Variants in C9orf50 observed in about 807,000 individuals in gnomAD.
The protein encoded by C9orf50 is chromosome 9 open reading frame 50, also known as uncharacterized protein C9orf50.
A neutral mutation model predicts 42.5 loss-of-function variants in C9orf50; 33 were observed. The observed-to-expected ratio is 0.78, with a 90% CI of 0.59 to 1.04. C9orf50 has a LOEUF of 1.04. C9orf50 is among the 50% of genes least tolerant of loss of function. The pLI is 0.00. For missense variants in C9orf50, 547 were observed against 594.3 expected (o/e 0.92, Z 0.83); for synonymous variants, 257 against 273.4 (o/e 0.94, Z 0.59).
chr9:129,616,295 A>G (rs1308175735), intron 3 of C9orf50, among the ~76,000 whole-genome samples: 1 of 152,132 alleles, frequency 6.6e-6, no homozygotes, highest in East Asian at 1.9e-4. Flanking sequence ...GGCTCATTGC[A>G]AGCTCCGCCT....
At position 129,620,047 on chromosome 9, in the gene C9orf50, C is replaced by T. The variant is rs1188722844; in HGVS notation, c.508+20G>A. On this transcript the variant is annotated intron_variant, in intron 1 of 6. Coordinates refer to ENST00000372478, the Ensembl canonical transcript of C9orf50. The surrounding 1 kb of genome is among the most constrained non-coding windows in gnomAD (Gnocchi z 5.8). ...CCGGAAATGACTCGGGCCCGCCCCC[C>T]GGGCCCCGCGGGGCCTCACTCAGTG... 1 of 1,452,534 alleles carries T rather than the reference C, an allele frequency of 6.9e-7. No individual in the cohort carries two copies. The highest frequency in any genetic ancestry group is 9.1e-7 in the Non-Finnish European group (1 of 1,100,342). 90.0% of individuals were successfully genotyped at this position (1,452,534 alleles called of 1,614,324 possible). A position where few individuals can be genotyped will look rare whatever the true frequency, so the allele number is the denominator to read the frequency against.
chr9:129,619,404 G>C, intron 3 of C9orf50, 116 bp downstream of exon 3: 1 of 762,096 alleles, frequency 1.3e-6, no homozygotes, highest in Admixed American at 2.3e-5. Context: ...TGTAAGGATG[G>C]ATGAATGGGT....
chr9:129,616,504 C>G (rs1215469419), intron 3 of C9orf50, among the ~76,000 whole-genome samples: 1 of 152,190 alleles, frequency 6.6e-6, no homozygotes, highest in African/African-American at 2.4e-5. Context: ...GCATGAGCCA[C>G]CGCCCGCCCG....
At chr9:129,619,493 C>CTCCA in intron 3 of C9orf50, 27 bp downstream of exon 3, 1 of 1,546,326 alleles carries the variant, frequency 6.5e-7, no homozygotes, top group Non-Finnish European at 8.9e-7. Flanking sequence ...CCTCCACTAC[C>CTCCA]CTACCCTTAT....
chr9:129,612,465 A>G lies in C9orf50; in HGVS notation c.1189-11T>C. Reference sequence around the variant, plus strand: ...GGGCAGGAGGGACTCCTAGAGTGAGACAGAGGACCAGCTGGCTGCTACCAG... The same window carrying G: ...GGGCAGGAGGGACTCCTAGAGTGAGGCAGAGGACCAGCTGGCTGCTACCAG... On this transcript the variant is annotated splice_polypyrimidine_tract_variant and intron_variant, in intron 6 of 6. Coordinates refer to ENST00000372478, the Ensembl canonical transcript of C9orf50. 6.2e-7 allele frequency: 1 copy of G among 1,606,948 alleles called. No individual in the cohort carries two copies. Among genetic ancestry groups the G allele is most frequent in the African/African-American group, 1.4e-5 (1 of 73,630 alleles).
chr9:129,621,032 A>C (rs1054272328), upstream of C9orf50, among the ~76,000 whole-genome samples: 1 of 152,194 alleles, frequency 6.6e-6, no homozygotes, highest in Admixed American at 6.5e-5. Context: ...TGGTCTGCAG[A>C]ATGGGGATAA....
rs762339179 is a variant in C9orf50, at chr9:129,613,207, A to G, written c.1088T>C (p.Met363Thr). Residue 363 changes from methionine to threonine, a missense_variant, in exon 6 of 7, where the codon ATG (methionine) becomes ACG (threonine). By Grantham distance (81) the Met-to-Thr change is moderately conservative. Transcript: ENST00000372478. The surrounding 1 kb of genome is among the most constrained non-coding windows in gnomAD (Gnocchi z 6.2). ...TGAACAGAAGGGCAGGCTGCTGTTC[A>G]TGGAGGTGTCCTCAGAAAGGTAGCC... The G allele has an allele frequency of 6.2e-7, 1 of 1,613,406 alleles. No individual in the cohort carries two copies. Among genetic ancestry groups the G allele is most frequent in the East Asian group, 2.2e-5 (1 of 44,866 alleles).
chr9:129,615,489 C>G (rs1283489619), exon 4 of C9orf50: 1 of 1,592,810 alleles, frequency 6.3e-7, no homozygotes, highest in African/African-American at 1.3e-5. Context: ...CTTACCTGAG[C>G]GTCTGCGCTC....
At position 129,618,823 on chromosome 9, in the gene C9orf50, G is replaced by A. The variant is rs184454728; in HGVS notation, c.716+697C>T. Among the ~76,000 whole-genome samples the A allele has an allele frequency of 3.9e-3, 589 of 151,364 alleles. 16 individuals carry two copies. In the East Asian group the frequency reaches 0.065, roughly 17 times the overall value. On this transcript the variant is annotated intron_variant, in intron 3 of 6. Coordinates refer to ENST00000372478, the Ensembl canonical transcript of C9orf50. ...TTCTCTCGCCTCAGCCTCCCGAGTA[G>A]CTGGGACTACAGGCGCCCGCCACCA...
chr9:129,615,507 C>T (rs140534012), exon 4 of C9orf50: 566 of 1,605,202 alleles, frequency 3.5e-4, no homozygotes, highest in Middle Eastern at 5.0e-4. Context: ...CTCCCAGTAG[C>T]GGAGCGTTGT....
At chr9:129,616,341 G>A (rs984621365) in intron 3 of C9orf50, among the ~76,000 whole-genome samples, 8 of 152,080 alleles carry the variant, frequency 5.3e-5, no homozygotes, top group East Asian at 1.9e-4. Flanking sequence ...TCAGCCTCCC[G>A]AGTAGCTGGG....
In C9orf50 at chr9:129,620,534, G is replaced by T. The variant is rs1034984810; in HGVS notation, c.41C>A (p.Ala14Glu). 3.5e-6 allele frequency: 5 copies of T among 1,442,610 alleles called. No homozygotes were observed. The African/African-American group carries it at 7.3e-5, about 21-fold the overall frequency. The allele number at this position is 1,442,610 out of a possible 1,614,324, so 89.4% of individuals were successfully genotyped here. A position where few individuals can be genotyped will look rare whatever the true frequency, so the allele number is the denominator to read the frequency against. The change falls in exon 1 of 7, where the codon GCG becomes GAG. Residue 14 changes from alanine to glutamate, a missense_variant. Physicochemically the swap from Ala to Glu is moderately radical, Grantham distance 107. Coordinates refer to ENST00000372478, the Ensembl canonical transcript of C9orf50. This position sits in a 1 kb window ranked among gnomAD's most constrained non-coding sequence, Gnocchi z 5.8. ...TCCGTCGCCAGGGAGCCCCTTGGGC[G>T]CCAGGTCCTGGGCCCCTGGGCGAAG...
At chr9:129,616,546 A>G (rs954118920) in intron 3 of C9orf50, among the ~76,000 whole-genome samples, 1 of 152,032 alleles carries the variant, frequency 6.6e-6, no homozygotes, top group Non-Finnish European at 1.5e-5. Context: ...GTAACTGTCT[A>G]TCTCAATCAT....
At chr9:129,615,605 C>T (rs1475169490) in exon 4 of C9orf50, 3 of 1,602,996 alleles carry the variant, frequency 1.9e-6, no homozygotes, top group Non-Finnish European at 1.7e-6. Flanking sequence ...GGTTGTGGGT[C>T]AGCGCAGCCT....
chr9:129,614,684 C>T lies in C9orf50; in HGVS notation c.880+800G>A, dbSNP rs1241629068. 3.9e-5 allele frequency among the ~76,000 whole-genome samples: 6 copies of T among 151,904 alleles called. No individual in the cohort carries two copies. Among genetic ancestry groups the T allele is most frequent in the African/African-American group, 7.3e-5 (3 of 41,340 alleles). On this transcript the variant is annotated intron_variant, in intron 4 of 6. Transcript: ENST00000372478. The surrounding 1 kb of genome is among the most constrained non-coding windows in gnomAD (Gnocchi z 4.4). Reference sequence around the variant, plus strand: ...TTTGGGAGGCAGAGGCAGGTGGATCCCTGAGGTCAGGAGTTCGAGACCACC... The same window carrying T: ...TTTGGGAGGCAGAGGCAGGTGGATCTCTGAGGTCAGGAGTTCGAGACCACC...
At chr9:129,616,403 AC>A (rs1456576269) in intron 3 of C9orf50, among the ~76,000 whole-genome samples, 1 of 152,096 alleles carries the variant, frequency 6.6e-6, no homozygotes, top group Admixed American at 6.5e-5. Context: ...TTTAGTAGAA[AC>A]GGGGTTTCAC....
At position 129,613,575 on chromosome 9, in the gene C9orf50, G is replaced by A. The variant is rs1380466898; in HGVS notation, c.903C>T (p.Asn301=). 3 of 1,614,054 alleles carry A rather than the reference G, an allele frequency of 1.9e-6. No homozygotes were observed. Among genetic ancestry groups the A allele is most frequent in the African/African-American group, 1.3e-5 (1 of 74,942 alleles). ...ACGCCACTGGCAGGGCGGCCTTCTG[G>A]TTCACAATGACGCTCTGTTGGACTG... The change falls in exon 5 of 7, where the codon AAC becomes AAT. Residue 301 remains asparagine, a synonymous_variant. Coordinates refer to ENST00000372478, the Ensembl canonical transcript of C9orf50. The surrounding 1 kb of genome is among the most constrained non-coding windows in gnomAD (Gnocchi z 6.2).
chr9:129,615,680 C>T (rs757416839), intron 3 of C9orf50, 33 bp from the exon 4 acceptor site: 1 of 1,495,824 alleles, frequency 6.7e-7, no homozygotes, highest in South Asian at 1.3e-5. Flanking sequence ...GTGCTCGAAG[C>T]CCCCCACCGT....
In C9orf50 at chr9:129,613,148, T is replaced by C; in HGVS notation, c.1147A>G (p.Ser383Gly). The change falls in exon 6 of 7, where the codon AGC becomes GGC. Residue 383 changes from serine to glycine, a missense_variant. Physicochemically the swap from Ser to Gly is moderately conservative, Grantham distance 56. This residue lies in a region of C9orf50 where 334 missense variants were observed against 323.7 expected (regional missense o/e 1.03). Transcript: ENST00000372478. This position sits in a 1 kb window ranked among gnomAD's most constrained non-coding sequence, Gnocchi z 6.2. ...TGCGGGTCCAAGAAGGCTCGGAGGC[T>C]GCTTCGCGGCCTCTGAGCAGCGGCC... 1 of 1,613,900 alleles carries C rather than the reference T, an allele frequency of 6.2e-7. No individual in the cohort carries two copies. Among genetic ancestry groups the C allele is most frequent in the Admixed American group, 1.7e-5 (1 of 60,020 alleles).
Sources: gnomAD v4.1 joint callset for allele counts (sites outside exome capture counted in the v4.1 genomes callset) on GRCh38, gnomAD v4.1.1 for gene constraint, gnomAD v4.1.1 regional missense constraint, Gnocchi (gnomAD v3.1) non-coding constraint, MANE v1.5 for transcripts, NCBI Gene and HGNC (gene_info 2026-07-23, HGNC 2026-07-21) for gene names.